Variants in STRA6 observed in about 807,000 individuals in gnomAD.
STRA6 encodes the protein receptor for retinol uptake STRA6.
Under a neutral mutation model 83.6 loss-of-function variants are expected in STRA6, and 48 were observed. The observed-to-expected ratio is 0.57, with a 90% CI of 0.46 to 0.73. STRA6 has a LOEUF of 0.73. STRA6 is among the 30% of genes least tolerant of loss of function. The probability of loss-of-function intolerance (pLI) is 0.00; values close to 1 mark genes in which losing one functional copy is unlikely to be tolerated. For missense variants in STRA6, 760 were observed against 838.8 expected, an observed-to-expected ratio of 0.91 and a Z score of 1.16; for synonymous variants, 353 against 362.3, an observed-to-expected ratio of 0.97 and a Z score of 0.29.
At chr15:74,190,442 G>A (rs187885491) in intron 11 of STRA6, among the ~76,000 whole-genome samples, 109 of 151,388 alleles carry the variant, frequency 7.2e-4, no homozygotes, top group Non-Finnish European at 1.2e-3. Context: ...TTTTTTCGGA[G>A]GTGGTGAGGC....
rs748286024 is a variant in STRA6 at position 74,181,309 on chromosome 15, G to A, written c.1670C>T (p.Ala557Val). 1.1e-4 allele frequency: 185 copies of A among 1,611,610 alleles called. No individual in the cohort carries two copies. The highest frequency in any genetic ancestry group is 1.5e-4 in the Non-Finnish European group (175 of 1,179,446). Residue 557 changes from alanine to valine, a missense_variant, in exon 17 of 19, where the codon GCC becomes GTC. Physicochemically the swap from Ala to Val is moderately conservative, Grantham distance 64. Transcript: ENST00000395105. ...AGTGACCTTACCGGGGTCGAGAGTG[G>A]CGGCTCTCGGTGGCAGCAGGCTGAG... ...MDLSLLPPRA[A>V]TLDPGYYTYR...
chr15:74,182,402 C>A lies in STRA6; in HGVS notation c.1359G>T (p.Val453=). The A allele has an allele frequency of 6.2e-7, 1 of 1,613,406 alleles. No individual in the cohort carries two copies. The highest frequency in any genetic ancestry group is 1.3e-5 in the African/African-American group (1 of 75,028). Residue 453 remains valine, a synonymous_variant, in exon 15 of 19, where the codon GTG becomes GTT. Transcript: ENST00000395105. ...FLGTTALAFL[V]LMPVLHGRNL... is the part of the protein sequence containing the mutation. ...TCCTGCCATGGAGCACAGGCATGAGCACCAGGAAGGCCAGGGCCGTGGTTC... is the reference window on the plus strand; with the variant it reads ...TCCTGCCATGGAGCACAGGCATGAGAACCAGGAAGGCCAGGGCCGTGGTTC...
At chr15:74,209,498 G>A, upstream of STRA6, 1 of 1,494,430 alleles carries the variant, frequency 6.7e-7, no homozygotes, top group Non-Finnish European at 9.0e-7. Flanking sequence ...CCACAGCTAA[G>A]GGGAGTCATC....
chr15:74,200,659 C>T (rs1050727393), intron 2 of STRA6, among the ~76,000 whole-genome samples: 1 of 152,176 alleles, frequency 6.6e-6, no homozygotes, highest in Non-Finnish European at 1.5e-5. Flanking sequence ...TTTTCTGCTC[C>T]CACTTTGAGG....
chr15:74,190,202 A>C (rs2073463223), intron 11 of STRA6, among the ~76,000 whole-genome samples: 1 of 152,162 alleles, frequency 6.6e-6, no homozygotes, highest in Non-Finnish European at 1.5e-5. Context: ...TAAACTTTGG[A>C]ATGTAAAATT....
chr15:74,191,188 A>G lies in STRA6; in HGVS notation c.844T>C (p.Cys282Arg), dbSNP rs145069454. 16 of 1,613,144 alleles carry G rather than the reference A, an allele frequency of 9.9e-6. No homozygotes were observed. The African/African-American group carries it at 1.3e-4, about 14-fold the overall frequency. Residue 282 changes from cysteine (C) to arginine (R), a missense_variant, in exon 10 of 19, where the codon TGC (cysteine) becomes CGC (arginine). Coordinates refer to ENST00000395105, the MANE Select transcript of STRA6 (RefSeq NM_022369.4). ...LSWARVCLRHCIYTPQPGFHL... is the reference protein window; with the variant it reads ...LSWARVCLRHRIYTPQPGFHL... ...ATACCTGGCTGTGGAGTGTAGATGCAGTGTCTCAAGCAGACGCGGGCCCAG... is the reference window on the plus strand; with the variant it reads ...ATACCTGGCTGTGGAGTGTAGATGCGGTGTCTCAAGCAGACGCGGGCCCAG...
rs1033331549 is a variant in STRA6, at chr15:74,183,377, C to T, written c.1300+479G>A. ...TCTCCTGCCTCATCCTCCCGAATAG[C>T]TGGAACTGCAGGTGCACACCACCAT... is the stretch of plus-strand genomic sequence containing the variant. On this transcript the variant is annotated intron_variant, in intron 14 of 18. Transcript: ENST00000395105. 1.6e-5 allele frequency: 6 copies of T among 364,996 alleles called. No homozygotes were observed. In the East Asian group the frequency reaches 5.3e-4, roughly 32 times the overall value. The allele number at this position is 364,996 out of a possible 1,614,324, so 22.6% of individuals were successfully genotyped here. A position where few individuals can be genotyped will look rare whatever the true frequency, so the allele number is the denominator to read the frequency against.
intron 12 of STRA6, among the ~76,000 whole-genome samples, chr15:74,185,754 C>A (rs1345711314): frequency 6.6e-6 from 1 of 152,380 alleles, no homozygotes; most frequent in Non-Finnish European, 1.5e-5. Context: ...GTAACAGCAA[C>A]CCCGCAAGGT....
intron 1 of STRA6, among the ~76,000 whole-genome samples, chr15:74,208,604 C>G (rs943920582): frequency 6.6e-6 from 1 of 152,184 alleles, no homozygotes; most frequent in Non-Finnish European, 1.5e-5. Context: ...TGCTAGCCCC[C>G]CAGTGTCCCC....
At position 74,190,859 on chromosome 15, in the gene STRA6, G is replaced by C; in HGVS notation, c.908C>G (p.Thr303Arg). 1 of 1,614,128 alleles carries C rather than the reference G, an allele frequency of 6.2e-7. No homozygotes were observed. The highest frequency in any genetic ancestry group is 8.5e-7 in the Non-Finnish European group (1 of 1,180,022). ...PLKLVLSATL[T>R]GTAIYQVALL... ...ACATACCTGGTAAATGGCCGTCCCT[G>C]TCAGTGTAGCTGAAAGCACCAGCTT... Residue 303 changes from threonine to arginine, a missense_variant, in exon 11 of 19, where the codon ACA (threonine) becomes AGA (arginine). Transcript: ENST00000395105.
Position 74,189,124 on chromosome 15 carries a change from C to T in STRA6, c.1081G>A (p.Ala361Thr), listed in dbSNP as rs770255659. 4 of 1,613,986 alleles carry T rather than the reference C, an allele frequency of 2.5e-6. No homozygotes were observed. The highest frequency in any genetic ancestry group is 2.7e-5 in the African/African-American group (2 of 74,922). The change falls in exon 12 of 19, where the codon GCT (alanine) becomes ACT (threonine). Residue 361 changes from alanine to threonine, a missense_variant. By Grantham distance (58) the Ala-to-Thr change is moderately conservative. Coordinates refer to ENST00000395105, the MANE Select transcript of STRA6 (RefSeq NM_022369.4). ...TCCCTGGAGGCCTCACCTTCCAGAG[C>T]CCACAGATGGTGCTTCACCAGCTCC... is the stretch of plus-strand genomic sequence containing the variant. ...VVELVKHHLW[A>T]LEVCYISALV...
Position 74,182,397 on chromosome 15 carries a change from A to T in STRA6, c.1364T>A (p.Met455Lys). 1.9e-6 allele frequency: 3 copies of T among 1,613,764 alleles called. No individual in the cohort carries two copies. Among genetic ancestry groups the T allele is most frequent in the Non-Finnish European group, 2.5e-6 (3 of 1,179,852 alleles). The change falls in exon 15 of 19, where the codon ATG becomes AAG. Residue 455 changes from methionine (M) to lysine (K), a missense_variant. By Grantham distance (95) the Met-to-Lys change is moderately conservative. Coordinates refer to ENST00000395105, the MANE Select transcript of STRA6 (RefSeq NM_022369.4). ...GTTALAFLVL[M>K]PVLHGRNLLL... ...GAGGTTCCTGCCATGGAGCACAGGC[A>T]TGAGCACCAGGAAGGCCAGGGCCGT...
chr15:74,196,713 G>T (rs2073837454), intron 4 of STRA6, among the ~76,000 whole-genome samples: 1 of 152,290 alleles, frequency 6.6e-6, no homozygotes, highest in Middle Eastern at 3.4e-3. Context: ...ACCCCAGGCT[G>T]GTTCCCCACA....
At chr15:74,208,022 A>T in intron 1 of STRA6, 1 of 1,364,384 alleles carries the variant, frequency 7.3e-7, no homozygotes, top group Middle Eastern at 2.8e-4. Context: ...TGCAATTCTC[A>T]TGCCCCCCTC....
intron 8 of STRA6, 76 bp from the exon 9 acceptor site, chr15:74,191,567 G>A (rs1345529689): frequency 3.1e-6 from 4 of 1,291,372 alleles, no homozygotes; most frequent in Non-Finnish European, 4.5e-6. Flanking sequence ...CAGGGAACTA[G>A]AGTGTTCACC....
chr15:74,207,670 G>A (rs1219366774), upstream of STRA6: 23 of 1,529,658 alleles, frequency 1.5e-5, no homozygotes, highest in Non-Finnish European at 1.8e-5. Context: ...GGCGTTCCAG[G>A]AGTGGGGGGA....
Position 74,193,800 on chromosome 15 carries a change from C to A in STRA6, c.720G>T (p.Lys240Asn). 6.2e-7 allele frequency: 1 copy of A among 1,613,656 alleles called. No homozygotes were observed. The highest frequency in any genetic ancestry group is 8.5e-7 in the Non-Finnish European group (1 of 1,179,694). ...GCTCATCCCAGGCCTGCCCCTTTACCTTGGAGCCTGCTCCTGTCCTACGGC... is the reference window on the plus strand; with the variant it reads ...GCTCATCCCAGGCCTGCCCCTTTACATTGGAGCCTGCTCCTGTCCTACGGC... ...SFSRRTGAGSKGLQSSYSEEY... is the reference protein window; with the variant it reads ...SFSRRTGAGSNGLQSSYSEEY... Residue 240 changes from lysine (K) to asparagine (N), a missense_variant and splice_region_variant, in exon 8 of 19, where the codon AAG becomes AAT. Lys to Asn is a moderately conservative substitution (Grantham distance 94, BLOSUM62 0). Coordinates refer to ENST00000395105, the MANE Select transcript of STRA6 (RefSeq NM_022369.4).
In STRA6 at chr15:74,189,225, G is replaced by A. The variant is rs1268363743; in HGVS notation, c.980C>T (p.Ala327Val). 1.2e-6 allele frequency: 2 copies of A among 1,611,334 alleles called. No individual in the cohort carries two copies. Among genetic ancestry groups the A allele is most frequent in the Admixed American group, 1.7e-5 (1 of 59,628 alleles). Residue 327 changes from alanine to valine, a missense_variant, in exon 12 of 19, where the codon GCA becomes GTA. Coordinates refer to ENST00000395105, the MANE Select transcript of STRA6 (RefSeq NM_022369.4). ...GVVPTIQKVR[A>V]GVTTDVSYLL... ...GTAGGAGACATCCGTGGTGACCCCTGCCCTCACCTTCTGGATAGTGGGTAC... is the reference window on the plus strand; with the variant it reads ...GTAGGAGACATCCGTGGTGACCCCTACCCTCACCTTCTGGATAGTGGGTAC...
chr15:74,183,841 G>A lies in STRA6; in HGVS notation c.1300+15C>T, dbSNP rs986758785. The A allele has an allele frequency of 2.5e-6, 4 of 1,613,662 alleles. No individual in the cohort carries two copies. The African/African-American group carries it at 5.3e-5, about 22-fold the overall frequency. ...CCCAGGCCAAGGCTGGGTGTGGCGG[G>A]CAAGGGAGGCTCACCAAGGCAGATA... On this transcript the variant is annotated intron_variant, in intron 14 of 18. Transcript: ENST00000395105.
Sources: gnomAD v4.1 joint callset for allele counts (sites outside exome capture counted in the v4.1 genomes callset) on GRCh38, gnomAD v4.1.1 for gene constraint, MANE v1.5 for transcripts, NCBI Gene and HGNC (gene_info 2026-07-23, HGNC 2026-07-21) for gene names.